Variants in DTWD2 observed in about 807,000 individuals in gnomAD.
The protein encoded by DTWD2 is tRNA-uridine aminocarboxypropyltransferase 2.
Under a neutral mutation model 31.8 loss-of-function variants are expected in DTWD2, and 39 were observed. That is an observed-to-expected ratio of 1.22 (90% CI 0.95 to 1.60). The LOEUF is 1.60. Ranked by LOEUF, DTWD2 falls within the 40% of genes most tolerant of loss-of-function variation. The pLI is 0.00. For missense variants in DTWD2, 515 were observed against 381.5 expected (o/e 1.35, Z -2.92); for synonymous variants, 180 against 142.8 (o/e 1.26, Z -1.86).
At chr5:118,917,891 G>A (rs1561454859) in intron 4 of DTWD2, among the ~76,000 whole-genome samples, 1 of 152,104 alleles carries the variant, frequency 6.6e-6, no homozygotes, top group Non-Finnish European at 1.5e-5. Flanking sequence ...CTTGAACCCA[G>A]GAGGCAGACG....
At chr5:118,930,604 C>T (rs1332737724) in intron 3 of DTWD2, among the ~76,000 whole-genome samples, 1 of 152,156 alleles carries the variant, frequency 6.6e-6, no homozygotes, top group South Asian at 2.1e-4. Context: ...AAAGGCCTTT[C>T]CCTCAAGAGA....
chr5:118,868,054 G>T (rs1443297026), intron 4 of DTWD2, among the ~76,000 whole-genome samples: 3 of 152,006 alleles, frequency 2.0e-5, no homozygotes, highest in African/African-American at 7.2e-5. Context: ...TGTGGTACTG[G>T]AATAAAAGCT....
intron 4 of DTWD2, among the ~76,000 whole-genome samples, chr5:118,889,050 A>G (rs1752925420): frequency 6.6e-6 from 1 of 152,156 alleles, no homozygotes; most frequent in Non-Finnish European, 1.5e-5. Flanking sequence ...TTGTCTTTTC[A>G]TTCTCTTAAT....
chr5:118,925,969 C>T (rs1206427165), intron 4 of DTWD2, among the ~76,000 whole-genome samples: 1 of 152,100 alleles, frequency 6.6e-6, no homozygotes, highest in African/African-American at 2.4e-5. Context: ...ATGCCTCATG[C>T]CTGTAACCCC....
chr5:118,852,564 T>G (rs564384030), intron 4 of DTWD2, among the ~76,000 whole-genome samples: 1 of 152,166 alleles, frequency 6.6e-6, no homozygotes, highest in South Asian at 2.1e-4. Context: ...AGTCAAAAAA[T>G]AGCAGATGCT....
rs59775018 is a variant in DTWD2 at position 118,963,970 on chromosome 5, G to T, written c.219-19321C>A. Among the ~76,000 whole-genome samples, 489 of 152,238 alleles carry T rather than the reference G, an allele frequency of 3.2e-3. 2 individuals carry two copies. Among genetic ancestry groups the T allele is most frequent in the African/African-American group, 0.012 (478 of 41,528 alleles). On this transcript the variant is annotated intron_variant, in intron 1 of 5. Coordinates refer to ENST00000510708, the MANE Select transcript of DTWD2 (RefSeq NM_173666.4). Reference sequence around the variant, plus strand: ...CACACCTGTAATCCCAGTACTTTGGGAGGCCGAGGCGTGTGGACCACTTGA... The same window carrying T: ...CACACCTGTAATCCCAGTACTTTGGTAGGCCGAGGCGTGTGGACCACTTGA...
intron 4 of DTWD2, 103 bp from the exon 5 acceptor site, chr5:118,848,321 C>A: frequency 1.0e-6 from 1 of 1,000,668 alleles, no homozygotes; most frequent in Non-Finnish European, 1.4e-6. Context: ...CTGCCAGCAG[C>A]TTAGAAGTAC....
At chr5:118,980,198 A>G (rs1580454728) in intron 1 of DTWD2, among the ~76,000 whole-genome samples, 1 of 152,182 alleles carries the variant, frequency 6.6e-6, no homozygotes, top group Admixed American at 6.5e-5. Context: ...CTCCCTCTGG[A>G]AAAAGAGCAG....
At chr5:118,960,485 T>C (rs1754681231) in intron 1 of DTWD2, among the ~76,000 whole-genome samples, 1 of 152,208 alleles carries the variant, frequency 6.6e-6, no homozygotes, top group Non-Finnish European at 1.5e-5. Flanking sequence ...GGTGGGAATG[T>C]AAATTAGCTC....
At chr5:118,945,546 C>G (rs1331373445) in intron 1 of DTWD2, among the ~76,000 whole-genome samples, 1 of 152,048 alleles carries the variant, frequency 6.6e-6, no homozygotes, top group East Asian at 1.9e-4. Flanking sequence ...GGGCAGATCA[C>G]CTGAGGTCAA....
At chr5:118,933,831 T>G (rs1405358777) in intron 3 of DTWD2, among the ~76,000 whole-genome samples, 1 of 150,882 alleles carries the variant, frequency 6.6e-6, no homozygotes, top group African/African-American at 2.4e-5. Flanking sequence ...CCATATATAC[T>G]CCTCAGAAGA....
chr5:118,965,714 T>C (rs1054013844), intron 1 of DTWD2, among the ~76,000 whole-genome samples: 1 of 152,142 alleles, frequency 6.6e-6, no homozygotes, highest in Non-Finnish European at 1.5e-5. Flanking sequence ...AAGATGTGCT[T>C]TGTTAAACAG....
intron 1 of DTWD2, among the ~76,000 whole-genome samples, chr5:118,965,191 C>T (rs1005947530): frequency 6.7e-6 from 1 of 149,938 alleles, no homozygotes; most frequent in African/African-American, 2.5e-5. Flanking sequence ...AAGTGAGGAG[C>T]CCCTCCGCCC....
chr5:118,923,967 C>G (rs1561457215), intron 4 of DTWD2, among the ~76,000 whole-genome samples: 1 of 152,180 alleles, frequency 6.6e-6, no homozygotes, highest in Non-Finnish European at 1.5e-5. Context: ...AATTCAAGAG[C>G]TGTCATAATT....
At position 118,853,553 on chromosome 5, in the gene DTWD2, G is replaced by T. The variant is rs908795958; in HGVS notation, c.598-5335C>A. 2.0e-5 allele frequency among the ~76,000 whole-genome samples: 3 copies of T among 152,232 alleles called. No individual in the cohort carries two copies. The East Asian group carries it at 5.8e-4, about 29-fold the overall frequency. ...AAAAATGTGGTACATTTGCATTATG[G>T]AATACTACACAGCCATAGAAAGAAT... On this transcript the variant is annotated intron_variant, in intron 4 of 5. Coordinates refer to ENST00000510708, the MANE Select transcript of DTWD2 (RefSeq NM_173666.4).
chr5:118,933,672 C>G (rs1445238030), intron 3 of DTWD2, among the ~76,000 whole-genome samples: 1 of 152,044 alleles, frequency 6.6e-6, no homozygotes, highest in Non-Finnish European at 1.5e-5. Context: ...AAGAACATTT[C>G]CAAAATACCT....
rs144554614 is a variant in DTWD2, at chr5:118,970,399, C to A, written c.218+17895G>T. 4.7e-3 allele frequency among the ~76,000 whole-genome samples: 723 copies of A among 152,224 alleles called. 7 individuals are homozygous for A. The highest frequency in any genetic ancestry group is 0.017 in the African/African-American group (692 of 41,526). On this transcript the variant is annotated intron_variant, in intron 1 of 5. Coordinates refer to ENST00000510708, the MANE Select transcript of DTWD2 (RefSeq NM_173666.4). ...CCAAGATTGCACCACGGCACTCCAG[C>A]CTGCTAATAAAGCGAGACTCTGTCT...
intron 3 of DTWD2, among the ~76,000 whole-genome samples, chr5:118,933,877 CCTAA>C (rs1270638819): frequency 7.2e-6 from 1 of 138,624 alleles, no homozygotes; most frequent in Non-Finnish European, 1.5e-5. Context: ...AGGGAACTGA[CCTAA>C]ATAAATAAAT....
chr5:118,857,180 C>G (rs1752157223), intron 4 of DTWD2, among the ~76,000 whole-genome samples: 1 of 152,012 alleles, frequency 6.6e-6, no homozygotes, highest in Non-Finnish European at 1.5e-5. Context: ...TAACAGCAGT[C>G]TCTACTCTGC....
Sources: gnomAD v4.1 joint callset for allele counts (sites outside exome capture counted in the v4.1 genomes callset) on GRCh38, gnomAD v4.1.1 for gene constraint, MANE v1.5 for transcripts, NCBI Gene and HGNC (gene_info 2026-07-23, HGNC 2026-07-21) for gene names.